SLC11A2: variants seen among roughly 807,000 people sequenced by gnomAD.
SLC11A2 encodes the protein natural resistance-associated macrophage protein 2.
Under a neutral mutation model 68.0 loss-of-function variants are expected in SLC11A2, and 38 were observed. The ratio of observed to expected loss-of-function variants is 0.56; its 90% CI spans 0.43 to 0.73. SLC11A2 has a LOEUF of 0.73. SLC11A2 is among the 30% of genes least tolerant of loss of function. SLC11A2 has a pLI of 0.00. For synonymous variants in SLC11A2, 242 were observed against 250.6 expected, an observed-to-expected ratio of 0.97 and a Z score of 0.32; for missense variants, 517 against 690.5, an observed-to-expected ratio of 0.75 and a Z score of 2.82.
the SLC11A2 span, chr12:50,953,787 A>AT: frequency 6.3e-4 from 318 of 506,370 alleles, no homozygotes; most frequent in Non-Finnish European, 9.1e-4. Flanking sequence ...TCCTCTATGT[A>AT]TTTTTTTCTT....
At chr12:50,972,905 G>C in the SLC11A2 span, among the ~76,000 whole-genome samples, 2 of 152,236 alleles carry the variant, frequency 1.3e-5, no homozygotes, top group African/African-American at 4.8e-5. Flanking sequence ...TAGCACAGCA[G>C]TCTGAGATCA....
At chr12:50,967,917 A>G in the SLC11A2 span, among the ~76,000 whole-genome samples, 1 of 152,064 alleles carries the variant, frequency 6.6e-6, no homozygotes, top group African/African-American at 2.4e-5. Flanking sequence ...CGAATACCCT[A>G]TCTCTACAAA....
chr12:50,960,772 T>A, the SLC11A2 span, among the ~76,000 whole-genome samples: 1 of 152,052 alleles, frequency 6.6e-6, no homozygotes, highest in African/African-American at 2.4e-5. Flanking sequence ...AGCCCTGAAC[T>A]CCTAGGCTCA....
chr12:51,009,141 T>C (rs756175971), intron 2 of SLC11A2: 34 of 1,517,808 alleles, frequency 2.2e-5, no homozygotes, highest in African/African-American at 1.9e-4. Context: ...GTGGACATTA[T>C]ACCTCCATCA....
intron 2 of SLC11A2, 94 bp downstream of exon 2, chr12:51,010,601 G>T: frequency 1.3e-6 from 1 of 749,974 alleles, no homozygotes; most frequent in Non-Finnish European, 2.4e-6. Context: ...GATGATGACA[G>T]ATGATGACAA....
At chr12:50,980,939 A>G (rs1939986710), downstream of SLC11A2, 10 of 152,362 alleles carry the variant, frequency 6.6e-5, no homozygotes, top group South Asian at 2.1e-3. Flanking sequence ...ACAATGCAGC[A>G]CGGAAAACTG....
rs1941752488 is a variant in SLC11A2, at chr12:50,996,935, T to G, written c.713A>C (p.Lys238Thr). The G allele has an allele frequency of 6.2e-7, 1 of 1,613,984 alleles. No individual in the cohort carries two copies. Among genetic ancestry groups the G allele is most frequent in the Non-Finnish European group, 8.5e-7 (1 of 1,179,980 alleles). ...TVKPSQSQVLKGMFVPSCSGC... is the reference protein window; with the variant it reads ...TVKPSQSQVLTGMFVPSCSGC... The stretch of plus-strand genomic sequence containing the variant: ...TGAACAGGATGGTACGAACATGCCC[T>G]TGAGTACCTGGCTCTGGCTGGGTTT... The change falls in exon 9 of 16, where the codon AAG (lysine) becomes ACG (threonine). Residue 238 changes from lysine (K) to threonine (T), a missense_variant. Coordinates refer to ENST00000262052, the MANE Select transcript of SLC11A2 (RefSeq NM_000617.3).
At chr12:50,977,276 T>C (rs917763607), downstream of SLC11A2, among the ~76,000 whole-genome samples, 1 of 152,178 alleles carries the variant, frequency 6.6e-6, no homozygotes, top group Non-Finnish European at 1.5e-5. Context: ...CAAAACAGCA[T>C]GGTACTGGTG....
chr12:50,997,391 T>C (rs1941795928), intron 8 of SLC11A2, among the ~76,000 whole-genome samples: 1 of 152,176 alleles, frequency 6.6e-6, no homozygotes, highest in Non-Finnish European at 1.5e-5. Flanking sequence ...AACAGATGTG[T>C]ATGATACATA....
At position 50,992,823 on chromosome 12, in the gene SLC11A2, TG is replaced by T; in HGVS notation, c.1183del (p.Gln395SerfsTer8). 1 of 1,613,654 alleles carries T rather than the reference TG, an allele frequency of 6.2e-7. No homozygotes were observed. Among genetic ancestry groups the T allele is most frequent in the Non-Finnish European group, 8.5e-7 (1 of 1,179,910 alleles). ...SSTMTGTYSG[Q>X]FVMEGFLNLK... is the part of the protein sequence containing the mutation. ...ACCAGCACGTACCTCCATGACAAAC[TG>T]GCCAGAATAGGTTCCTGTCATGGTG... On this transcript the variant is annotated frameshift_variant, in exon 12 of 16. Transcript: ENST00000262052. LOFTEE classifies it high-confidence loss of function.
At chr12:50,985,523 T>C (rs1420920927), downstream of SLC11A2, among the ~76,000 whole-genome samples, 2 of 152,330 alleles carry the variant, frequency 1.3e-5, no homozygotes, top group South Asian at 2.1e-4. Flanking sequence ...TTTTAATAAA[T>C]GGTGTCAATA....
intron 1 of SLC11A2, chr12:51,024,955 G>A (rs868692878): frequency 6.6e-6 from 1 of 152,138 alleles, no homozygotes; most frequent in Non-Finnish European, 1.5e-5. Context: ...AAACTGAGTA[G>A]GCCAAGCAAG....
upstream of SLC11A2, among the ~76,000 whole-genome samples, chr12:51,027,229 A>C (rs984365821): frequency 1.3e-5 from 2 of 150,962 alleles, no homozygotes; most frequent in Admixed American, 6.6e-5. Flanking sequence ...GGTCCCAGCT[A>C]CTCGGGGGCT....
the SLC11A2 span, among the ~76,000 whole-genome samples, chr12:50,965,303 T>TG: frequency 6.6e-6 from 1 of 150,608 alleles, no homozygotes; most frequent in Non-Finnish European, 1.5e-5. Flanking sequence ...TTTTTTTTTT[T>TG]GTAGAGGTGA....
the SLC11A2 span, among the ~76,000 whole-genome samples, chr12:50,952,901 G>A: frequency 6.6e-6 from 1 of 152,176 alleles, no homozygotes; most frequent in Non-Finnish European, 1.5e-5. Flanking sequence ...TTGGGCCCAG[G>A]AGTCAGGTAC....
At chr12:50,993,992 C>CAAAAAAAAAAAAAAAAAAA (rs71663850) in intron 11 of SLC11A2, among the ~76,000 whole-genome samples, 15 of 48,400 alleles carry the variant, frequency 3.1e-4, no homozygotes, top group South Asian at 1.3e-3. Flanking sequence ...ACCTTGTCTC[C>CAAAAAAAAAAAAAAAAAAA]AAAAAAAAAA....
At chr12:51,003,650 T>C (rs224587) in intron 5 of SLC11A2, among the ~76,000 whole-genome samples, 25,202 of 148,708 alleles carry the variant, frequency 0.17, 2,519 homozygotes, top group East Asian at 0.5. Flanking sequence ...AAGCTAGGCT[T>C]GGTGCAGTGG....
chr12:51,022,330 G>A (rs113147138), intron 1 of SLC11A2, among the ~76,000 whole-genome samples: 1 of 151,220 alleles, frequency 6.6e-6, no homozygotes, highest in African/African-American at 2.4e-5. Flanking sequence ...TTAGCACTTT[G>A]GGAGGCTGAG....
intron 15 of SLC11A2, among the ~76,000 whole-genome samples, chr12:50,988,776 A>T (rs1335528549): frequency 2.0e-5 from 3 of 152,082 alleles, no homozygotes; most frequent in Non-Finnish European, 4.4e-5. Context: ...ATAGTGGTGC[A>T]ATCATAGCTC....
Sources: allele counts gnomAD v4.1 joint callset (sites outside exome capture counted in the v4.1 genomes callset), GRCh38; gene constraint gnomAD v4.1.1; transcripts MANE v1.5; gene names NCBI Gene and HGNC (gene_info 2026-07-23, HGNC 2026-07-21).